The following DIS3L2 variants were observed in gnomAD, a reference collection of about 807,000 sequenced individuals.
The protein encoded by DIS3L2 is DIS3-like exonuclease 2.
Under a neutral mutation model 97.5 loss-of-function variants are expected in DIS3L2, and 34 were observed. The ratio of observed to expected loss-of-function variants is 0.35; its 90% CI spans 0.27 to 0.46. The LOEUF (loss-of-function observed/expected upper bound fraction) is 0.46, where lower values mean the gene tolerates loss of function less well. Ranked by LOEUF, DIS3L2 falls within the 20% of genes least tolerant of loss-of-function variation. DIS3L2 has a pLI of 1.00. For synonymous variants in DIS3L2, 435 were observed against 445.2 expected (o/e 0.98, Z 0.29); for missense variants, 1,038 against 1,146.0 (o/e 0.91, Z 1.36).
chr2:232,084,213 A>G (rs1261212713), intron 5 of DIS3L2, among the ~76,000 whole-genome samples: 1 of 152,162 alleles, frequency 6.6e-6, no homozygotes, highest in Non-Finnish European at 1.5e-5. Flanking sequence ...TTATGTGGTA[A>G]AGCAGAAGTG....
intron 14 of DIS3L2, among the ~76,000 whole-genome samples, chr2:232,316,480 AC>A (rs796457822): frequency 3.3e-5 from 5 of 152,014 alleles, no homozygotes; most frequent in African/African-American, 1.2e-4. Context: ...TGTCCGGAGA[AC>A]CTGTAGCACC....
intron 13 of DIS3L2, among the ~76,000 whole-genome samples, chr2:232,291,873 A>T (rs1694609584): frequency 6.6e-6 from 1 of 152,298 alleles, no homozygotes; most frequent in South Asian, 2.1e-4. Context: ...GGAATTCCTA[A>T]ACTTTTAAAC....
chr2:232,219,176 C>T (rs1474303476), intron 10 of DIS3L2, among the ~76,000 whole-genome samples: 1 of 152,250 alleles, frequency 6.6e-6, no homozygotes, highest in Non-Finnish European at 1.5e-5. Context: ...TTCTGTTTCT[C>T]CTACCAGCAA....
intron 8 of DIS3L2, among the ~76,000 whole-genome samples, chr2:232,160,541 TC>T (rs1251926937): frequency 6.6e-6 from 1 of 152,118 alleles, no homozygotes; most frequent in Non-Finnish European, 1.5e-5. Context: ...TTTTTCTTGA[TC>T]AGTCAGGCTA....
At chr2:232,307,392 C>T (rs552823835) in intron 14 of DIS3L2, 7 of 152,288 alleles carry the variant, frequency 4.6e-5, no homozygotes, top group African/African-American at 1.7e-4. Context: ...CACATGACAT[C>T]AGGGAAACTG....
At chr2:232,028,035 G>T (rs1694707506) in intron 4 of DIS3L2, among the ~76,000 whole-genome samples, 1 of 152,064 alleles carries the variant, frequency 6.6e-6, no homozygotes, top group African/African-American at 2.4e-5. Context: ...GTCATAGGAG[G>T]CACCCTTTGT....
chr2:232,324,204 G>A (rs1695514170), intron 14 of DIS3L2, among the ~76,000 whole-genome samples: 1 of 152,118 alleles, frequency 6.6e-6, no homozygotes, highest in East Asian at 1.9e-4. Context: ...TCATGGCCTC[G>A]GCAGAGCCCA....
At chr2:232,036,349 GC>G (rs549835351) in intron 5 of DIS3L2, among the ~76,000 whole-genome samples, 73 of 152,136 alleles carry the variant, frequency 4.8e-4, no homozygotes, top group Non-Finnish European at 2.8e-4. Context: ...AAGTTCTCAT[GC>G]TGTGTTTTTT....
At chr2:232,274,759 C>T (rs1440124732) in intron 13 of DIS3L2, among the ~76,000 whole-genome samples, 1 of 152,198 alleles carries the variant, frequency 6.6e-6, no homozygotes, top group African/African-American at 2.4e-5. Flanking sequence ...CAAGCAAGGA[C>T]ATTTTCTTTA....
intron 14 of DIS3L2, among the ~76,000 whole-genome samples, chr2:232,308,929 C>G (rs943923270): frequency 6.6e-6 from 1 of 152,166 alleles, no homozygotes; most frequent in Non-Finnish European, 1.5e-5. Context: ...TGGGTTCGTT[C>G]AGGTGCTCTG....
rs1694969739 is a variant in DIS3L2, at chr2:232,037,029, G to A, written c.366+6949G>A. ...GGACCCACTTGAGGAGGCAATCTGA[G>A]GAGGCAATCTGTCCCTTAGCAGAGC... On this transcript the variant is annotated intron_variant, in intron 5 of 20. Transcript: ENST00000325385. The surrounding 1 kb of genome is among the most constrained non-coding windows in gnomAD (Gnocchi z 4.6). Among the ~76,000 whole-genome samples, 1 of 152,210 alleles carries A rather than the reference G, an allele frequency of 6.6e-6. No individual in the cohort carries two copies. Among genetic ancestry groups the A allele is most frequent in the Admixed American group, 6.5e-5 (1 of 15,284 alleles).
intron 13 of DIS3L2, among the ~76,000 whole-genome samples, chr2:232,275,797 C>T (rs1694124174): frequency 6.6e-6 from 1 of 152,110 alleles, no homozygotes; most frequent in Non-Finnish European, 1.5e-5. Flanking sequence ...GGTCACAGCA[C>T]TCAGAGTGGC....
chr2:232,087,244 A>T (rs1255359796), intron 5 of DIS3L2, among the ~76,000 whole-genome samples: 1 of 152,128 alleles, frequency 6.6e-6, no homozygotes, highest in African/African-American at 2.4e-5. Context: ...AAATATGAGA[A>T]GTGGATAAGG....
chr2:231,981,731 A>G (rs1449001205), intron 1 of DIS3L2, among the ~76,000 whole-genome samples: 3 of 147,812 alleles, frequency 2.0e-5, no homozygotes, highest in African/African-American at 7.5e-5. Flanking sequence ...CCTTTTTTTT[A>G]GATGTTTAAT....
At chr2:232,079,783 G>C (rs528892549) in intron 5 of DIS3L2, among the ~76,000 whole-genome samples, 1 of 152,294 alleles carries the variant, frequency 6.6e-6, no homozygotes, top group East Asian at 1.9e-4. Flanking sequence ...TAGCCAGGCA[G>C]AGAGCTTTCC....
chr2:232,263,159 A>C (rs781167686), intron 12 of DIS3L2, 48 bp from the exon 13 acceptor site: 37 of 1,590,184 alleles, frequency 2.3e-5, no homozygotes, highest in Non-Finnish European at 3.0e-5. Context: ...GAAAAACCTG[A>C]AAAACATTTG....
At chr2:232,009,582 C>T (rs1337493729) in intron 1 of DIS3L2, among the ~76,000 whole-genome samples, 2 of 152,108 alleles carry the variant, frequency 1.3e-5, no homozygotes, top group African/African-American at 4.8e-5. Flanking sequence ...AACGAGCTTC[C>T]CTTTGTCATT....
chr2:232,061,388 C>T (rs888699079), intron 5 of DIS3L2, among the ~76,000 whole-genome samples: 4 of 152,298 alleles, frequency 2.6e-5, no homozygotes, highest in Non-Finnish European at 2.9e-5. Context: ...AGACTTAGTC[C>T]GTGAAGCTGG....
intron 6 of DIS3L2, among the ~76,000 whole-genome samples, chr2:232,089,432 C>A (rs1324195856): frequency 1.3e-5 from 2 of 152,146 alleles, no homozygotes; most frequent in Non-Finnish European, 2.9e-5. Context: ...TTTCTACTTT[C>A]TTTTCTTTAA....
Sources: allele counts gnomAD v4.1 joint callset (sites outside exome capture counted in the v4.1 genomes callset), GRCh38; gene constraint gnomAD v4.1.1; non-coding constraint Gnocchi (gnomAD v3.1); transcripts MANE v1.5; gene names NCBI Gene and HGNC (gene_info 2026-07-23, HGNC 2026-07-21).